Variants in EDNRB observed in about 807,000 individuals in gnomAD.
The protein encoded by EDNRB is Hirschsprung disease 2.
Under a neutral mutation model 46.4 loss-of-function variants are expected in EDNRB, and 18 were observed. The ratio of observed to expected loss-of-function variants is 0.39; its 90% CI spans 0.27 to 0.57. EDNRB has a LOEUF of 0.57. Ranked by LOEUF, EDNRB falls within the 20% of genes least tolerant of loss-of-function variation. The pLI is 0.61. For synonymous variants in EDNRB, 213 were observed against 204.9 expected (o/e 1.04, Z -0.34); for missense variants, 434 against 537.5 (o/e 0.81, Z 1.90).
intron 1 of EDNRB, among the ~76,000 whole-genome samples, chr13:77,934,918 T>A (rs150796869): frequency 1.5e-4 from 23 of 151,050 alleles, no homozygotes; most frequent in Non-Finnish European, 2.4e-4. Context: ...GAAGGAAATA[T>A]GGGGAAATGG....
chr13:77,945,901 A>AAAAAAAAAAAAAAC (rs1391892820), intron 1 of EDNRB, among the ~76,000 whole-genome samples: 9 of 150,706 alleles, frequency 6.0e-5, no homozygotes, highest in East Asian at 1.9e-4. Flanking sequence ...AAACAAAAAA[A>AAAAAAAAAAAAAAC]ACACACAATC....
chr13:77,964,559 A>C (rs1881524010), intron 1 of EDNRB, among the ~76,000 whole-genome samples: 1 of 152,174 alleles, frequency 6.6e-6, no homozygotes, highest in African/African-American at 2.4e-5. Flanking sequence ...GTTCTCACTC[A>C]TAGGTGGGAA....
chr13:77,898,380 T>C, intron 6 of EDNRB, 46 bp from the exon 7 acceptor site: 2 of 1,608,028 alleles, frequency 1.2e-6, no homozygotes, highest in Non-Finnish European at 1.7e-6. Flanking sequence ...TCAGTCACCT[T>C]TCCCAACTCT....
At chr13:77,961,784 C>G (rs1163911210) in intron 1 of EDNRB, among the ~76,000 whole-genome samples, 1 of 152,052 alleles carries the variant, frequency 6.6e-6, no homozygotes, top group Non-Finnish European at 1.5e-5. Flanking sequence ...AAGATCAGTG[C>G]AGAACTGAAG....
intron 1 of EDNRB, chr13:77,944,686 A>T (rs1880853012): frequency 6.6e-6 from 1 of 152,076 alleles, no homozygotes; most frequent in Admixed American, 6.6e-5. Flanking sequence ...CATTAATTTA[A>T]AAAAAATGAA....
chr13:77,924,877 T>G (rs2137648050), intron 1 of EDNRB, among the ~76,000 whole-genome samples: 1 of 152,340 alleles, frequency 6.6e-6, no homozygotes, highest in East Asian at 1.9e-4. Flanking sequence ...TTTTGCCTGC[T>G]GCCATCCACC....
At chr13:77,954,954 C>A (rs757438100) in intron 1 of EDNRB, among the ~76,000 whole-genome samples, 8 of 152,128 alleles carry the variant, frequency 5.3e-5, no homozygotes, top group African/African-American at 1.2e-4. Flanking sequence ...TGCCTAAAAT[C>A]TTGATTCCAA....
chr13:77,918,017 A>G lies in EDNRB; in HGVS notation c.483+74T>C, dbSNP rs2137639000. ...GAGCTAAAGGGAAGCTCCCTCTACAAGCTTTCTCATCTCCCCGTCTCCAAC... is the reference window on the plus strand; with the variant it reads ...GAGCTAAAGGGAAGCTCCCTCTACAGGCTTTCTCATCTCCCCGTCTCCAAC... On this transcript the variant is annotated intron_variant, in intron 1 of 6. Transcript: ENST00000646607. The surrounding 1 kb of genome is among the most constrained non-coding windows in gnomAD (Gnocchi z 4.5). 2 of 1,610,594 alleles carry G rather than the reference A, an allele frequency of 1.2e-6. No individual in the cohort carries two copies. The highest frequency in any genetic ancestry group is 1.7e-6 in the Non-Finnish European group (2 of 1,178,894).
chr13:77,943,977 G>A (rs762275514), intron 1 of EDNRB, among the ~76,000 whole-genome samples: 29 of 152,022 alleles, frequency 1.9e-4, no homozygotes, highest in Non-Finnish European at 3.1e-4. Context: ...GGAAAGTAAA[G>A]CCTCAATACT....
intron 1 of EDNRB, among the ~76,000 whole-genome samples, chr13:77,946,338 A>AT (rs1880914819): frequency 6.6e-6 from 1 of 152,184 alleles, no homozygotes; most frequent in African/African-American, 2.4e-5. Context: ...GGTACAGAGG[A>AT]GATACGGAAG....
chr13:77,931,187 T>C lies in EDNRB; in HGVS notation c.-51-12563A>G, dbSNP rs185696262. Among the ~76,000 whole-genome samples the C allele has an allele frequency of 5.6e-3, 851 of 152,264 alleles. 11 individuals carry two copies. The highest frequency in any genetic ancestry group is 0.017 in the African/African-American group (712 of 41,546). ...TAATAATACATCTAAAACAGTTACA[T>C]GTGTAGTTGAGACTAAAATAAAAAT... On this transcript the variant is annotated intron_variant, in intron 1 of 7. Coordinates refer to the EDNRB transcript ENST00000646948.
intron 1 of EDNRB, among the ~76,000 whole-genome samples, chr13:77,915,040 A>G (rs938215700): frequency 6.6e-6 from 1 of 152,172 alleles, no homozygotes; most frequent in Non-Finnish European, 1.5e-5. Flanking sequence ...ATTAGAAATC[A>G]CTGGTTTAGA....
upstream of EDNRB, among the ~76,000 whole-genome samples, chr13:77,923,717 A>G (rs567102147): frequency 5.3e-4 from 81 of 152,296 alleles, no homozygotes; most frequent in Non-Finnish European, 1.1e-3. Flanking sequence ...AATAGGTTAG[A>G]AAGCAAAAAG....
upstream of EDNRB, chr13:77,918,912 G>A (rs137993263): frequency 1.6e-6 from 2 of 1,217,904 alleles, no homozygotes; most frequent in Admixed American, 3.9e-5. The surrounding 1 kb of genome is among the most constrained non-coding windows in gnomAD (Gnocchi z 4.5). Context: ...GGGAATGATG[G>A]GGGTCCCAGG....
rs543869453 is a variant in EDNRB, at chr13:77,910,392, G to A, written c.484-6785C>T. 9.9e-5 allele frequency among the ~76,000 whole-genome samples: 15 copies of A among 152,070 alleles called. No homozygotes were observed. The East Asian group carries it at 2.5e-3, about 26-fold the overall frequency. On this transcript the variant is annotated intron_variant, in intron 1 of 6. Transcript: ENST00000646607. ...GTTTTTGTCTCTGTTTCCTGTAGTA[G>A]TTAAGAGTTTTTCTGTGTTTGAACT...
intron 1 of EDNRB, among the ~76,000 whole-genome samples, chr13:77,951,613 A>G (rs1881092091): frequency 6.6e-6 from 1 of 152,178 alleles, no homozygotes. Context: ...CAGCAAAGAG[A>G]ACAAGGCTGA....
upstream of EDNRB, among the ~76,000 whole-genome samples, chr13:77,922,004 G>A (rs1880099190): frequency 6.6e-6 from 1 of 151,456 alleles, no homozygotes; most frequent in South Asian, 2.1e-4. Flanking sequence ...TTTTATTTAT[G>A]AATTCACTAG....
chr13:77,907,117 T>G (rs562680397), intron 1 of EDNRB, among the ~76,000 whole-genome samples: 83 of 152,168 alleles, frequency 5.5e-4, no homozygotes, highest in African/African-American at 1.9e-3. Flanking sequence ...TGGTTAACTT[T>G]ATGTGTTAAC....
chr13:77,935,477 G>A (rs1008216216), intron 1 of EDNRB, among the ~76,000 whole-genome samples: 1 of 152,166 alleles, frequency 6.6e-6, no homozygotes, highest in Non-Finnish European at 1.5e-5. Flanking sequence ...TAATGGTTTT[G>A]TTAGGATGGC....
Sources: gnomAD v4.1 joint callset for allele counts (sites outside exome capture counted in the v4.1 genomes callset) on GRCh38, gnomAD v4.1.1 for gene constraint, Gnocchi (gnomAD v3.1) non-coding constraint, MANE v1.5 for transcripts, NCBI Gene and HGNC (gene_info 2026-07-23, HGNC 2026-07-21) for gene names.